RAB28: variants seen among roughly 807,000 people sequenced by gnomAD.
RAB28 encodes ras-related protein Rab-28.
Under a neutral mutation model 31.7 loss-of-function variants are expected in RAB28, and 24 were observed. The ratio of observed to expected loss-of-function variants is 0.76; its 90% confidence interval spans 0.55 to 1.06. The LOEUF (loss-of-function observed/expected upper bound fraction) is 1.06, where lower values mean the gene tolerates loss of function less well. Ranked by LOEUF, RAB28 falls within the 50% of genes least tolerant of loss-of-function variation. The probability of loss-of-function intolerance (pLI) is 0.00; values close to 1 mark genes in which losing one functional copy is unlikely to be tolerated. For synonymous variants in RAB28, 100 were observed against 90.4 expected (o/e 1.11, Z -0.60); for missense variants, 254 against 258.5 (o/e 0.98, Z 0.12).
chr4:13,437,068 C>T (rs1382567694), intron 4 of RAB28, among the ~76,000 whole-genome samples: 1 of 152,140 alleles, frequency 6.6e-6, no homozygotes, highest in African/African-American at 2.4e-5. Context: ...ACACCTACAA[C>T]CAACTAATCT....
intron 3 of RAB28, among the ~76,000 whole-genome samples, chr4:13,469,091 A>C (rs1716001520): frequency 6.6e-6 from 1 of 151,980 alleles, no homozygotes; most frequent in South Asian, 2.1e-4. Flanking sequence ...AAGCACCCTC[A>C]AATCCCTAAG....
At chr4:13,434,991 C>T (rs75377438) in intron 4 of RAB28, among the ~76,000 whole-genome samples, 1,540 of 144,238 alleles carry the variant, frequency 0.011, 27 homozygotes, top group African/African-American at 0.039. Context: ...TGTACTCCAG[C>T]CTTGGCACAG....
intron 4 of RAB28, among the ~76,000 whole-genome samples, chr4:13,446,233 C>G (rs574048923): frequency 1.4e-4 from 21 of 152,284 alleles, no homozygotes; most frequent in African/African-American, 5.1e-4. Flanking sequence ...ACTTGGTCCT[C>G]CCAGTCCGAC....
chr4:13,460,636 C>A, intron 4 of RAB28, 63 bp downstream of exon 4: 1 of 1,590,378 alleles, frequency 6.3e-7, no homozygotes, highest in Non-Finnish European at 8.6e-7. Context: ...TGGGGGGACA[C>A]AAACATTCTG....
At chr4:13,417,320 T>C (rs1456616000) in intron 4 of RAB28, among the ~76,000 whole-genome samples, 1 of 152,168 alleles carries the variant, frequency 6.6e-6, no homozygotes, top group African/African-American at 2.4e-5. Context: ...AGGGCATAGC[T>C]GAACAGAAGG....
At chr4:13,383,546 G>A (rs1383085160) in intron 4 of RAB28, among the ~76,000 whole-genome samples, 1 of 152,092 alleles carries the variant, frequency 6.6e-6, no homozygotes, top group Non-Finnish European at 1.5e-5. Context: ...GTGGCAGGTA[G>A]TGATATGGTT....
chr4:13,475,495 G>A (rs1716318313), intron 2 of RAB28, among the ~76,000 whole-genome samples: 1 of 151,520 alleles, frequency 6.6e-6, no homozygotes, highest in Admixed American at 6.6e-5. Flanking sequence ...ATCAGAGAAA[G>A]TTAGTCATAC....
At chr4:13,466,527 C>G (rs1715853321) in intron 3 of RAB28, among the ~76,000 whole-genome samples, 1 of 151,608 alleles carries the variant, frequency 6.6e-6, no homozygotes, top group South Asian at 2.1e-4. Context: ...TGGCTATTAT[C>G]AAAAAGATGA....
At chr4:13,372,804 G>T (rs1361667591) in intron 6 of RAB28, among the ~76,000 whole-genome samples, 1 of 151,888 alleles carries the variant, frequency 6.6e-6, no homozygotes, top group Non-Finnish European at 1.5e-5. Context: ...AGGTTAAATG[G>T]GTACTTGTAC....
At chr4:13,464,402 C>T (rs1715742653) in intron 3 of RAB28, among the ~76,000 whole-genome samples, 1 of 152,104 alleles carries the variant, frequency 6.6e-6, no homozygotes, top group Non-Finnish European at 1.5e-5. Context: ...TTCCCAACTC[C>T]AGCCCCCTGT....
chr4:13,459,830 G>A (rs73231519), intron 4 of RAB28: 24,151 of 1,270,034 alleles, frequency 0.019, 279 homozygotes, highest in Middle Eastern at 0.044. Flanking sequence ...GAAATGCATC[G>A]CTCAAAACCT....
At chr4:13,402,116 A>C (rs188558609) in intron 4 of RAB28, among the ~76,000 whole-genome samples, 27 of 152,376 alleles carry the variant, frequency 1.8e-4, no homozygotes, top group Non-Finnish European at 3.1e-4. Context: ...AGAAGACATT[A>C]AATTCTTTTA....
chr4:13,416,885 T>C (rs533724385), intron 4 of RAB28, among the ~76,000 whole-genome samples: 2 of 152,232 alleles, frequency 1.3e-5, no homozygotes, highest in Admixed American at 1.3e-4. Flanking sequence ...TTGGGACTGG[T>C]AGGACAGTGG....
chr4:13,380,216 T>C (rs1205281970), intron 5 of RAB28, among the ~76,000 whole-genome samples: 1 of 152,064 alleles, frequency 6.6e-6, no homozygotes, highest in Non-Finnish European at 1.5e-5. Flanking sequence ...AATTTTTTAA[T>C]GGGTCTTACC....
At chr4:13,469,474 C>G (rs1005543498) in intron 3 of RAB28, among the ~76,000 whole-genome samples, 1 of 151,986 alleles carries the variant, frequency 6.6e-6, no homozygotes, top group Non-Finnish European at 1.5e-5. Flanking sequence ...CCCTCTTCAA[C>G]AATAGTTTCC....
chr4:13,461,873 C>T (rs575496893), intron 3 of RAB28, among the ~76,000 whole-genome samples: 146 of 152,218 alleles, frequency 9.6e-4, no homozygotes, highest in Non-Finnish European at 1.8e-3. Context: ...ACCAGACACA[C>T]GTCAAGGTCT....
intron 5 of RAB28, among the ~76,000 whole-genome samples, chr4:13,379,205 CAAAAA>C (rs34341516): frequency 6.9e-5 from 4 of 57,984 alleles, no homozygotes; most frequent in African/African-American, 1.8e-4. Flanking sequence ...AACTCTGTCT[CAAAAA>C]AAAAAAAAAA....
At position 13,371,812 on chromosome 4, in the gene RAB28, C is replaced by A. The variant is rs1456701970; in HGVS notation, c.574-3162G>T. On this transcript the variant is annotated intron_variant, in intron 6 of 6. Transcript: ENST00000330852. ...ATACCAACCTTTATTTTTAGAGCCA[C>A]AAAGCACACTCGATTATTCTCTATT... 3 of 1,547,564 alleles carry A rather than the reference C, an allele frequency of 1.9e-6. No homozygotes were observed. In the Admixed American group the frequency reaches 5.9e-5, roughly 30 times the overall value.
intron 3 of RAB28, among the ~76,000 whole-genome samples, chr4:13,467,762 G>T (rs1450019797): frequency 6.6e-6 from 1 of 151,884 alleles, no homozygotes; most frequent in Non-Finnish European, 1.5e-5. Flanking sequence ...AAACAAACAT[G>T]ACAGATGTTA....
Sources: gnomAD v4.1 joint callset for allele counts (sites outside exome capture counted in the v4.1 genomes callset) on GRCh38, gnomAD v4.1.1 for gene constraint, MANE v1.5 for transcripts, NCBI Gene and HGNC (gene_info 2026-07-23, HGNC 2026-07-21) for gene names.